MYH14: variants seen among roughly 807,000 people sequenced by gnomAD.
The protein encoded by MYH14 is myosin heavy chain 14.
Under a neutral mutation model 255.5 loss-of-function variants are expected in MYH14, and 123 were observed. That is an observed-to-expected ratio of 0.48 (90% CI 0.42 to 0.56). The LOEUF is 0.56. Ranked by LOEUF, MYH14 falls within the 20% of genes least tolerant of loss-of-function variation. MYH14 has a pLI of 0.00. For missense variants in MYH14, 2,423 were observed against 2,802.3 expected (o/e 0.86, Z 3.06); for synonymous variants, 1,095 against 1,161.2 (o/e 0.94, Z 1.16).
Position 50,255,287 on chromosome 19 carries a change from G to A in MYH14, c.2013G>A (p.Glu671=). Residue 671 remains glutamate, a synonymous_variant, in exon 17 of 43, where the codon GAG becomes GAA. Transcript: ENST00000642316. ...SFPPSPPGSA[E]RCSSAISPPG... is the part of the protein sequence containing the mutation. ...CACCGTCGCCCCCAGGATCTGCAGA[G>A]AGGTGCAGCTCTGCTATTTCTCCGC... The A allele has an allele frequency of 6.4e-7, 1 of 1,551,364 alleles. No individual in the cohort carries two copies. Among genetic ancestry groups the A allele is most frequent in the South Asian group, 1.2e-5 (1 of 84,054 alleles).
Position 50,276,929 on chromosome 19 carries a change from G to C in MYH14, c.3825+28G>C, listed in dbSNP as rs7259185. On this transcript the variant is annotated intron_variant, in intron 29 of 42. Coordinates refer to ENST00000642316, the MANE Select transcript of MYH14 (RefSeq NM_001145809.2). This position sits in a 1 kb window ranked among gnomAD's most constrained non-coding sequence, Gnocchi z 4.3. ...GGGTTGGGGCAGGGGGACAGGGCAG[G>C]GGGGCCACGGGGAGGGCAGGGCAGG... The C allele has an allele frequency of 2.0e-6, 3 of 1,467,790 alleles. No homozygotes were observed. The highest frequency in any genetic ancestry group is 2.8e-6 in the Non-Finnish European group (3 of 1,066,044). The allele number at this position is 1,467,790 out of a possible 1,614,324, so 90.9% of individuals were successfully genotyped here.
chr19:50,257,911 C>A (rs928364672), intron 18 of MYH14, among the ~76,000 whole-genome samples: 1 of 152,068 alleles, frequency 6.6e-6, no homozygotes, highest in South Asian at 2.1e-4. Context: ...CTGAAGGATA[C>A]GTGATATTCC....
intron 13 of MYH14, 21 bp from the exon 14 acceptor site, chr19:50,249,627 TCA>T (rs1180941333): frequency 1.4e-6 from 2 of 1,428,916 alleles, no homozygotes. Context: ...TCCTCCCAGC[TCA>T]CGTGTCCTGC....
In MYH14 at chr19:50,276,695, C is replaced by G. The variant is rs768220648; in HGVS notation, c.3681-62C>G. 122 of 1,609,230 alleles carry G rather than the reference C, an allele frequency of 7.6e-5. No homozygotes were observed. In the Middle Eastern group the frequency reaches 1.1e-3, roughly 14 times the overall value. On this transcript the variant is annotated intron_variant, in intron 28 of 42. Transcript: ENST00000642316. This position sits in a 1 kb window ranked among gnomAD's most constrained non-coding sequence, Gnocchi z 4.3. ...ATGAAAAGGAGAAACAACCAGCTCC[C>G]CCAAAGCCCCTGCCTTCCTCTGCTC...
At position 50,281,882 on chromosome 19, in the gene MYH14, T is replaced by C. The variant is rs150849960; in HGVS notation, c.4539+40T>C. 3.4e-4 allele frequency: 535 copies of C among 1,593,630 alleles called. 1 individual carries two copies. In the African/African-American group the frequency reaches 6.7e-3, roughly 20 times the overall value. The stretch of plus-strand genomic sequence containing the variant: ...TTCACCCAGCCGGGGAATCAGCAAG[T>C]CCATCTACGCTTCCCATGGTCGTTG... On this transcript the variant is annotated intron_variant, in intron 33 of 42. Transcript: ENST00000642316.
intron 1 of MYH14, among the ~76,000 whole-genome samples, chr19:50,204,830 G>A (rs905312999): frequency 1.3e-5 from 2 of 152,136 alleles, no homozygotes; most frequent in Non-Finnish European, 2.9e-5. Context: ...AGGAGGTCAA[G>A]GCTGCAGTGA....
rs759236633 is a variant in MYH14, at chr19:50,252,079, C to T, written c.1831-560C>T. On this transcript the variant is annotated intron_variant, in intron 15 of 42. Coordinates refer to ENST00000642316, the MANE Select transcript of MYH14 (RefSeq NM_001145809.2). This position sits in a 1 kb window ranked among gnomAD's most constrained non-coding sequence, Gnocchi z 4.2. ...GATTCCATGTGTTCTGTGTCTAGCC[C>T]TCAGTTTCTTCCCCAGACATACTCC... 1.4e-4 allele frequency among the ~76,000 whole-genome samples: 21 copies of T among 152,204 alleles called. No homozygotes were observed. Among genetic ancestry groups the T allele is most frequent in the Non-Finnish European group, 1.8e-4 (12 of 68,052 alleles).
intron 39 of MYH14, among the ~76,000 whole-genome samples, chr19:50,299,083 T>C (rs1483971496): frequency 1.3e-5 from 2 of 151,930 alleles, no homozygotes; most frequent in Non-Finnish European, 2.9e-5. Context: ...AGTGAGACCC[T>C]GTCTCCAGAA....
rs760018165 is a variant in MYH14 at position 50,252,767 on chromosome 19, T to TC, written c.1945+19dup. The TC allele has an allele frequency of 1.1e-5, 17 of 1,544,040 alleles. No homozygotes were observed. Among genetic ancestry groups the TC allele is most frequent in the Middle Eastern group, 1.7e-4 (1 of 5,964 alleles). On this transcript the variant is annotated intron_variant, in intron 16 of 42. Coordinates refer to ENST00000642316, the MANE Select transcript of MYH14 (RefSeq NM_001145809.2). The surrounding 1 kb of genome is among the most constrained non-coding windows in gnomAD (Gnocchi z 4.2). ...TCTGGAAAGACGGTGAGGACCCACT[T>TC]CCCCCACCCCGGCTCTAGGGGTCTG...
At chr19:50,243,637 T>G (rs1322176920) in intron 10 of MYH14, among the ~76,000 whole-genome samples, 2 of 152,170 alleles carry the variant, frequency 1.3e-5, no homozygotes, top group Non-Finnish European at 1.5e-5. Flanking sequence ...AAAATAATTT[T>G]TTAAGAAAGA....
intron 10 of MYH14, among the ~76,000 whole-genome samples, chr19:50,233,151 A>C (rs1334903152): frequency 1.3e-5 from 2 of 149,592 alleles, no homozygotes; most frequent in Admixed American, 1.3e-4. Context: ...CCCCCGTGTC[A>C]GGGTGCTGTG....
At position 50,268,143 on chromosome 19, in the gene MYH14, C is replaced by A; in HGVS notation, c.2827-18C>A. On this transcript the variant is annotated intron_variant, in intron 23 of 42. Coordinates refer to ENST00000642316, the MANE Select transcript of MYH14 (RefSeq NM_001145809.2). ...GGAGCACTGCCTGCTGACCACTAACCTCCCACACACTCCCCAGCTGGAAGA... is the reference window on the plus strand; with the variant it reads ...GGAGCACTGCCTGCTGACCACTAACATCCCACACACTCCCCAGCTGGAAGA... 6.5e-7 allele frequency: 1 copy of A among 1,537,588 alleles called. No homozygotes were observed.
intron 2 of MYH14, among the ~76,000 whole-genome samples, 162 bp from the exon 3 acceptor site, chr19:50,217,453 G>A: frequency 6.6e-6 from 1 of 152,206 alleles, no homozygotes; most frequent in East Asian, 1.9e-4. Context: ...CCATCAGCCT[G>A]AAAATGCTCA....
chr19:50,260,865 A>G lies in MYH14; in HGVS notation c.2424+150A>G, dbSNP rs36158121. 283,223 of 652,724 alleles carry G rather than the reference A, an allele frequency of 0.43. 64,241 individuals are homozygous for G. The highest frequency in any genetic ancestry group is 0.62 in the Admixed American group (29,284 of 46,978). 40.4% of individuals were successfully genotyped at this position (652,724 alleles called of 1,614,324 possible). ...TGTGTGCGTGTGTGTGTGCATGCAT[A>G]TGTGTGCATGCGTGTGTGTGCATGT... On this transcript the variant is annotated intron_variant, in intron 20 of 42. Coordinates refer to ENST00000642316, the MANE Select transcript of MYH14 (RefSeq NM_001145809.2).
In MYH14 at chr19:50,210,480, G is replaced by C; in HGVS notation, c.115G>C (p.Gly39Arg). ...FTPRGPSAGG[G>R]PGSGTSPQVE... Reference sequence around the variant, plus strand: ...GCCCCGCGGGCCCAGCGCGGGTGGCGGGCCTGGCTCGGGCACCTCCCCGCA... The same window carrying C: ...GCCCCGCGGGCCCAGCGCGGGTGGCCGGCCTGGCTCGGGCACCTCCCCGCA... Residue 39 changes from glycine to arginine, a missense_variant, in exon 2 of 43, where the codon GGG becomes CGG. Transcript: ENST00000642316. The C allele has an allele frequency of 1.3e-6, 2 of 1,550,914 alleles. No homozygotes were observed. Among genetic ancestry groups the C allele is most frequent in the Non-Finnish European group, 1.7e-6 (2 of 1,148,974 alleles).
chr19:50,236,729 A>C (rs906341408), intron 10 of MYH14, among the ~76,000 whole-genome samples: 1 of 152,106 alleles, frequency 6.6e-6, no homozygotes, highest in African/African-American at 2.4e-5. Context: ...AAAAAAAGAA[A>C]TGAAATGCCA....
intron 4 of MYH14, 41 bp from the exon 5 acceptor site, chr19:50,223,206 G>T: frequency 6.2e-7 from 1 of 1,608,554 alleles, no homozygotes; most frequent in Non-Finnish European, 8.5e-7. Flanking sequence ...CTTGCCTGAG[G>T]TCATTGCCAA....
At chr19:50,227,566 C>T (rs1179136193) in intron 8 of MYH14, among the ~76,000 whole-genome samples, 1 of 152,182 alleles carries the variant, frequency 6.6e-6, no homozygotes, top group Non-Finnish European at 1.5e-5. Context: ...GCGAACCCCT[C>T]ATCCTGTTAG....
At chr19:50,246,412 C>G (rs893622056) in intron 11 of MYH14, among the ~76,000 whole-genome samples, 1 of 151,888 alleles carries the variant, frequency 6.6e-6, no homozygotes, top group Non-Finnish European at 1.5e-5. Context: ...AAGGGCCTCC[C>G]TGGGATTACG....
Sources: gnomAD v4.1 joint callset for allele counts (sites outside exome capture counted in the v4.1 genomes callset) on GRCh38, gnomAD v4.1.1 for gene constraint, Gnocchi (gnomAD v3.1) non-coding constraint, MANE v1.5 for transcripts, NCBI Gene and HGNC (gene_info 2026-07-23, HGNC 2026-07-21) for gene names.